Variants in RABGAP1L observed in about 807,000 individuals in gnomAD.
RABGAP1L encodes the protein RAB GTPase activating protein 1 like.
Under a neutral mutation model 137.7 loss-of-function variants are expected in RABGAP1L, and 63 were observed. That is an observed-to-expected ratio of 0.46 (90% CI 0.37 to 0.56). The LOEUF is 0.56. Among genes scored for constraint, RABGAP1L ranks in the 20% least tolerant of loss-of-function variants. The pLI, the probability that RABGAP1L is intolerant of heterozygous loss-of-function variation, is 0.00. For missense variants in RABGAP1L, 1,095 were observed against 1,244.0 expected, an observed-to-expected ratio of 0.88 and a Z score of 1.80; for synonymous variants, 431 against 433.7, an observed-to-expected ratio of 0.99 and a Z score of 0.08.
chr1:174,856,378 G>A (rs1360677000), intron 19 of RABGAP1L, among the ~76,000 whole-genome samples: 2 of 140,144 alleles, frequency 1.4e-5, no homozygotes, highest in Admixed American at 7.4e-5. Context: ...CTGGGTGACA[G>A]AACAAGACTC....
chr1:174,740,920 G>GT (rs1229064024), intron 17 of RABGAP1L, among the ~76,000 whole-genome samples: 1 of 151,354 alleles, frequency 6.6e-6, no homozygotes, highest in South Asian at 2.1e-4. Flanking sequence ...GGGATTATTT[G>GT]TTTTTTTCCT....
intron 12 of RABGAP1L, among the ~76,000 whole-genome samples, chr1:174,387,808 C>G (rs1216533029): frequency 6.6e-6 from 1 of 151,790 alleles, no homozygotes; most frequent in Non-Finnish European, 1.5e-5. Flanking sequence ...ATTTAAAGAT[C>G]TGAGGGAACT....
At chr1:174,605,505 C>G (rs61826911) in intron 13 of RABGAP1L, among the ~76,000 whole-genome samples, 9 of 151,978 alleles carry the variant, frequency 5.9e-5, no homozygotes, top group African/African-American at 2.2e-4. Context: ...ACTTGTAAAG[C>G]CTTTTTTTTT....
At chr1:174,880,998 A>G (rs1654107125) in intron 19 of RABGAP1L, among the ~76,000 whole-genome samples, 2 of 152,318 alleles carry the variant, frequency 1.3e-5, no homozygotes, top group South Asian at 4.1e-4. Context: ...TATAGAGGAC[A>G]GTGATGGCTG....
chr1:174,540,627 G>C (rs1009936655), intron 13 of RABGAP1L, among the ~76,000 whole-genome samples: 3 of 152,066 alleles, frequency 2.0e-5, no homozygotes, highest in African/African-American at 7.2e-5. Context: ...TATTTCTGAG[G>C]GCTCTGTTCT....
chr1:174,801,215 G>C (rs554871506), intron 18 of RABGAP1L, among the ~76,000 whole-genome samples: 6 of 152,120 alleles, frequency 3.9e-5, no homozygotes, highest in Non-Finnish European at 8.8e-5. Context: ...TATTCTATAA[G>C]GTAATTGGTT....
intron 13 of RABGAP1L, among the ~76,000 whole-genome samples, chr1:174,527,267 G>T (rs1159706204): frequency 6.8e-6 from 1 of 146,728 alleles, no homozygotes; most frequent in Non-Finnish European, 1.5e-5. Context: ...TCAGTGGCAC[G>T]ATCTTGGCTC....
At chr1:174,176,299 T>C (rs990820132) in intron 1 of RABGAP1L, among the ~76,000 whole-genome samples, 4 of 152,216 alleles carry the variant, frequency 2.6e-5, no homozygotes, top group African/African-American at 9.6e-5. Context: ...CACTGGTCTG[T>C]CTTGCAGTTT....
intron 19 of RABGAP1L, among the ~76,000 whole-genome samples, chr1:174,916,515 T>C (rs1003826806): frequency 6.6e-6 from 1 of 152,196 alleles, no homozygotes; most frequent in Non-Finnish European, 1.5e-5. Context: ...AGGGAAAATA[T>C]GATAGTCACA....
intron 13 of RABGAP1L, among the ~76,000 whole-genome samples, chr1:174,612,514 T>C (rs893412586): frequency 6.6e-6 from 1 of 152,186 alleles, no homozygotes; most frequent in South Asian, 2.1e-4. Context: ...GGTCTAAAAT[T>C]CTCTTTTTTG....
At chr1:174,671,411 G>A (rs1311757916) in intron 14 of RABGAP1L, among the ~76,000 whole-genome samples, 3 of 152,076 alleles carry the variant, frequency 2.0e-5, no homozygotes, top group African/African-American at 7.2e-5. Flanking sequence ...TTCCAGTTCA[G>A]CTTTTCCTCA....
chr1:174,422,735 G>T (rs61826869), intron 13 of RABGAP1L, among the ~76,000 whole-genome samples: 1 of 151,854 alleles, frequency 6.6e-6, no homozygotes, highest in Non-Finnish European at 1.5e-5. Flanking sequence ...ATCACCTGAG[G>T]TCTGGAGTTT....
chr1:174,279,699 T>C (rs1675326936), intron 10 of RABGAP1L, among the ~76,000 whole-genome samples: 1 of 152,212 alleles, frequency 6.6e-6, no homozygotes, highest in African/African-American at 2.4e-5. Context: ...TTTTTATTAC[T>C]GTGTGAACTG....
chr1:174,162,603 G>A (rs933116107), intron 1 of RABGAP1L, among the ~76,000 whole-genome samples: 1 of 152,064 alleles, frequency 6.6e-6, no homozygotes, highest in African/African-American at 2.4e-5. Context: ...AGTTGTTGCT[G>A]TAAGCCTATG....
intron 1 of RABGAP1L, among the ~76,000 whole-genome samples, chr1:174,201,511 C>T (rs1316961058): frequency 6.6e-6 from 1 of 152,090 alleles, no homozygotes; most frequent in Non-Finnish European, 1.5e-5. Context: ...TATTCTTTAG[C>T]TGTGATATGT....
chr1:174,354,401 A>T (rs899355884), intron 11 of RABGAP1L, among the ~76,000 whole-genome samples: 3 of 152,092 alleles, frequency 2.0e-5, no homozygotes, highest in African/African-American at 7.2e-5. Context: ...TGTTCTTTGA[A>T]TAATATGTTT....
At chr1:174,975,219 T>C (rs1670544384) in intron 21 of RABGAP1L, among the ~76,000 whole-genome samples, 1 of 152,200 alleles carries the variant, frequency 6.6e-6, no homozygotes, top group Non-Finnish European at 1.5e-5. Flanking sequence ...TAAAGCCTAG[T>C]GGGCAAGACA....
At chr1:174,696,338 C>T (rs191793695) in intron 15 of RABGAP1L, among the ~76,000 whole-genome samples, 227 of 152,048 alleles carry the variant, frequency 1.5e-3, no homozygotes, top group African/African-American at 5.2e-3. Flanking sequence ...GCTGCCCTGC[C>T]TGGAGTTGGG....
intron 19 of RABGAP1L, among the ~76,000 whole-genome samples, chr1:174,877,103 A>G (rs562918443): frequency 6.6e-6 from 1 of 151,798 alleles, no homozygotes; most frequent in East Asian, 2.0e-4. Context: ...ATTACCAAGA[A>G]CATAACACAA....
Sources: gnomAD v4.1 joint callset for allele counts (sites outside exome capture counted in the v4.1 genomes callset) on GRCh38, gnomAD v4.1.1 for gene constraint, MANE v1.5 for transcripts, NCBI Gene and HGNC (gene_info 2026-07-23, HGNC 2026-07-21) for gene names.